NUMA1: variants seen among roughly 807,000 people sequenced by gnomAD.
NUMA1 encodes SP-H antigen.
NUMA1 carries 62 observed loss-of-function variants against 237.1 expected under a neutral mutation model. The ratio of observed to expected loss-of-function variants is 0.26; its 90% CI spans 0.21 to 0.32. NUMA1 has a LOEUF of 0.32. Among genes scored for constraint, NUMA1 ranks in the 10% least tolerant of loss-of-function variants. NUMA1 has a pLI of 1.00. For missense variants in NUMA1, 2,533 were observed against 2,666.5 expected (o/e 0.95, Z 1.10); for synonymous variants, 1,028 against 1,066.1 (o/e 0.96, Z 0.70).
At chr11:72,077,826 AAAAC>A (rs1469428330) in intron 1 of NUMA1, among the ~76,000 whole-genome samples, 2 of 151,430 alleles carry the variant, frequency 1.3e-5, no homozygotes, top group Admixed American at 6.6e-5. Flanking sequence ...AAAAAAAAAA[AAAAC>A]AAAAAACTGA....
chr11:72,014,308 C>T lies in NUMA1; in HGVS notation c.3195G>A (p.Glu1065=). ...ALTEKEGKDQ[E]LAKLRGLEAA... is the part of the protein sequence containing the mutation. ...CCTCCAGACCACGAAGCTTGGCCAA[C>T]TCCTGGTCCTTGCCTTCCTTTTCCG... The change falls in exon 15 of 27, where the codon GAG becomes GAA. Residue 1065 remains glutamate (E), a synonymous_variant. Transcript: ENST00000393695. This position sits in a 1 kb window ranked among gnomAD's most constrained non-coding sequence, Gnocchi z 4.6. 6.2e-7 allele frequency: 1 copy of T among 1,613,950 alleles called. No individual in the cohort carries two copies. The highest frequency in any genetic ancestry group is 8.5e-7 in the Non-Finnish European group (1 of 1,180,048).
chr11:72,066,681 T>C (rs559690899), intron 2 of NUMA1: 1 of 152,364 alleles, frequency 6.6e-6, no homozygotes, highest in African/African-American at 2.4e-5. Flanking sequence ...TCAGGAACAA[T>C]TGTTCTTTCC....
At chr11:72,005,875 T>G (rs961536324) in intron 22 of NUMA1, among the ~76,000 whole-genome samples, 160 bp downstream of exon 22, 1 of 152,052 alleles carries the variant, frequency 6.6e-6, no homozygotes, top group African/African-American at 2.4e-5. Context: ...GATGGGCAGG[T>G]AAGGAAGGCC....
At position 72,035,929 on chromosome 11, in the gene NUMA1, G is replaced by A. The variant is rs369168241; in HGVS notation, c.15C>T (p.Ala5=). Residue 5 remains alanine, a synonymous_variant, in exon 3 of 27, where the codon GCC becomes GCT. Coordinates refer to ENST00000393695, the MANE Select transcript of NUMA1 (RefSeq NM_006185.4). The stretch of plus-strand genomic sequence containing the variant: ...AAGAGAGGAGTGCAGCCCCCCGGGT[G>A]GCGTGGAGTGTCATCTTGGTGATGC... MTLH[A]TRGAALLSWV... 12 of 1,614,018 alleles carry A rather than the reference G, an allele frequency of 7.4e-6. No individual in the cohort carries two copies. In the African/African-American group the frequency reaches 1.1e-4, roughly 14 times the overall value.
rs370348490 is a variant in NUMA1, at chr11:72,015,325, T to A, written c.2178A>T (p.Ala726=). The A allele has an allele frequency of 6.2e-7, 1 of 1,613,544 alleles. No homozygotes were observed. Among genetic ancestry groups the A allele is most frequent in the South Asian group, 1.1e-5 (1 of 91,088 alleles). ...GSLEEEKRRA[A]DALEEQQRCI... ...AACGCTGCTGCTCTTCCAGGGCATC[T>A]GCAGCCCTGCGCTTCTCCTCTTCAA... The change falls in exon 15 of 27, where the codon GCA becomes GCT. Residue 726 remains alanine, a synonymous_variant. Transcript: ENST00000393695. This position sits in a 1 kb window ranked among gnomAD's most constrained non-coding sequence, Gnocchi z 4.0.
Position 72,007,440 on chromosome 11 carries a change from G to A in NUMA1, c.5217-5C>T. 6.2e-7 allele frequency: 1 copy of A among 1,613,012 alleles called. No individual in the cohort carries two copies. On this transcript the variant is annotated splice_polypyrimidine_tract_variant and splice_region_variant and intron_variant, in intron 20 of 26. Coordinates refer to ENST00000393695, the MANE Select transcript of NUMA1 (RefSeq NM_006185.4). ...GGCTGGGTACGAGGCAGCTTGCTATGGAAAGGAAACCTGCTGAGGTACAGT... is the reference window on the plus strand; with the variant it reads ...GGCTGGGTACGAGGCAGCTTGCTATAGAAAGGAAACCTGCTGAGGTACAGT...
At position 72,003,980 on chromosome 11, in the gene NUMA1, G is replaced by T. The variant is rs763198425; in HGVS notation, c.6243C>A (p.Arg2081=). 19 of 1,613,222 alleles carry T rather than the reference G, an allele frequency of 1.2e-5. No individual in the cohort carries two copies. The highest frequency in any genetic ancestry group is 1.7e-4 in the Middle Eastern group (1 of 6,002). The part of the protein sequence containing the change: ...KALSKASPNT[R]SGTRRSPRIA... ...TGCGCGGAGAACGGCGGGTTCCACTGCGAGTGTTGGGGGAAGCCTTGGACA... is the reference window on the plus strand; with the variant it reads ...TGCGCGGAGAACGGCGGGTTCCACTTCGAGTGTTGGGGGAAGCCTTGGACA... The change falls in exon 26 of 27, where the codon CGC becomes CGA. Residue 2081 remains arginine (R), a synonymous_variant. Transcript: ENST00000393695.
intron 1 of NUMA1, among the ~76,000 whole-genome samples, chr11:72,074,312 C>A (rs1209271627): frequency 6.6e-6 from 1 of 151,984 alleles, no homozygotes; most frequent in East Asian, 1.9e-4. Context: ...GAAATCACAC[C>A]ACTGTACTCC....
rs892585029 is a variant in NUMA1 at position 72,013,417 on chromosome 11, T to C, written c.4086A>G (p.Pro1362=). 4 of 1,612,862 alleles carry C rather than the reference T, an allele frequency of 2.5e-6. No homozygotes were observed. Among genetic ancestry groups the C allele is most frequent in the African/African-American group, 1.3e-5 (1 of 74,928 alleles). ...GCAGCTGCTGGCAGAGGTGCTTAGC[T>C]GGCAGCAGCTCACTCACCAGGGCCT... is the stretch of plus-strand genomic sequence containing the variant. ...STQALVSELL[P]AKHLCQQLQA... The change falls in exon 15 of 27, where the codon CCA becomes CCG. Residue 1362 remains proline, a synonymous_variant. Transcript: ENST00000393695. This position sits in a 1 kb window ranked among gnomAD's most constrained non-coding sequence, Gnocchi z 6.8.
rs918119217 is a variant in NUMA1, at chr11:72,078,569, T to C, written c.-103+1889A>G. 2.0e-5 allele frequency among the ~76,000 whole-genome samples: 3 copies of C among 152,266 alleles called. No individual in the cohort carries two copies. The South Asian group carries it at 6.2e-4, about 32-fold the overall frequency. On this transcript the variant is annotated intron_variant, in intron 1 of 26. Transcript: ENST00000393695. Reference sequence around the variant, plus strand: ...ATTCTTCCCACTTCCATGTTCCACATGTAAAAAAGAATTCTACGTTTCTTA... The same window carrying C: ...ATTCTTCCCACTTCCATGTTCCACACGTAAAAAAGAATTCTACGTTTCTTA...
At chr11:72,005,175 G>A in intron 23 of NUMA1, 58 bp downstream of exon 23, 1 of 1,506,722 alleles carries the variant, frequency 6.6e-7, no homozygotes, top group Non-Finnish European at 8.9e-7. Flanking sequence ...AGATCAGCAG[G>A]TGGGATTCCA....
chr11:72,024,846 G>A (rs182772480), intron 4 of NUMA1: 1 of 158,134 alleles, frequency 6.3e-6, no homozygotes, highest in Non-Finnish European at 1.4e-5. Flanking sequence ...TAGGCTGAAG[G>A]CTGAGATGGC....
chr11:72,038,097 C>G (rs1218928300), intron 2 of NUMA1, among the ~76,000 whole-genome samples: 4 of 152,178 alleles, frequency 2.6e-5, no homozygotes, highest in Admixed American at 2.6e-4. Flanking sequence ...AGGCTGAGAT[C>G]ACCGCTCCCC....
intron 26 of NUMA1, 32 bp from the exon 27 acceptor site, chr11:72,003,570 G>A: frequency 6.2e-7 from 1 of 1,614,022 alleles, no homozygotes; most frequent in Non-Finnish European, 8.5e-7. Context: ...GGCCAGATGA[G>A]AACTTGCGAT....
At chr11:72,006,367 T>C in intron 21 of NUMA1, 104 bp from the exon 22 acceptor site, 2 of 930,940 alleles carry the variant, frequency 2.1e-6, no homozygotes, top group Non-Finnish European at 3.2e-6. Context: ...ATCCATGTAT[T>C]CCCAACTGCT....
In NUMA1 at chr11:72,003,332, C is replaced by T; in HGVS notation, c.*195G>A. 3.2e-6 allele frequency: 2 copies of T among 625,844 alleles called. No individual in the cohort carries two copies. Among genetic ancestry groups the T allele is most frequent in the Non-Finnish European group, 2.9e-6 (1 of 344,326 alleles). The allele number at this position is 625,844 out of a possible 1,614,324, so 38.8% of individuals were successfully genotyped here. ...CCCACACTGTCCATGCTCCAGGCCC[C>T]CTGGGCCAGCTCCGAGAAGGCGCCA... On this transcript the variant is annotated 3_prime_UTR_variant, in exon 27 of 27. Coordinates refer to ENST00000393695, the MANE Select transcript of NUMA1 (RefSeq NM_006185.4).
At chr11:72,072,503 C>T (rs556975520) in intron 1 of NUMA1, among the ~76,000 whole-genome samples, 1 of 152,284 alleles carries the variant, frequency 6.6e-6, no homozygotes, top group African/African-American at 2.4e-5. Flanking sequence ...GAAACTGGCC[C>T]TTCAATAGGA....
chr11:72,054,586 G>A (rs1942537652), intron 2 of NUMA1, among the ~76,000 whole-genome samples: 1 of 152,088 alleles, frequency 6.6e-6, no homozygotes, highest in Non-Finnish European at 1.5e-5. Context: ...CTTTCACGAT[G>A]TTAAGCAACT....
chr11:72,079,752 A>ATT (rs1565306172), intron 1 of NUMA1, among the ~76,000 whole-genome samples: 9 of 12,446 alleles, frequency 7.2e-4, no homozygotes, highest in African/African-American at 8.4e-4. Flanking sequence ...CAAAAATTAA[A>ATT]AAAAAAAAAA....
Sources: allele counts gnomAD v4.1 joint callset (sites outside exome capture counted in the v4.1 genomes callset), GRCh38; gene constraint gnomAD v4.1.1; non-coding constraint Gnocchi (gnomAD v3.1); transcripts MANE v1.5; gene names NCBI Gene and HGNC (gene_info 2026-07-23, HGNC 2026-07-21).